Variants in CLOCK observed in about 807,000 individuals in gnomAD.
CLOCK encodes the protein circadian locomoter output cycles protein kaput.
Under a neutral mutation model 118.4 loss-of-function variants are expected in CLOCK, and 43 were observed. The observed-to-expected ratio is 0.36, with a 90% CI of 0.28 to 0.47. The LOEUF is 0.47. Ranked by LOEUF, CLOCK falls within the 20% of genes least tolerant of loss-of-function variation. The pLI is 1.00. For missense variants in CLOCK, 846 were observed against 999.9 expected (o/e 0.85, Z 2.08); for synonymous variants, 326 against 339.2 (o/e 0.96, Z 0.43).
intron 9 of CLOCK, among the ~76,000 whole-genome samples, chr4:55,462,874 A>G (rs1177784573): frequency 6.6e-6 from 1 of 150,766 alleles, no homozygotes; most frequent in African/African-American, 2.4e-5. Flanking sequence ...GTGTATCTCA[A>G]TTTTTAGACA....
intron 7 of CLOCK, among the ~76,000 whole-genome samples, chr4:55,475,487 T>C (rs1328476689): frequency 6.6e-6 from 1 of 152,234 alleles, no homozygotes; most frequent in East Asian, 1.9e-4. Flanking sequence ...AAAGAAGTTC[T>C]ACTCTGGGTA....
At chr4:55,435,656 TACTC>T (rs1301040659) in intron 22 of CLOCK, 62 bp from the exon 23 acceptor site, 12 of 1,521,372 alleles carry the variant, frequency 7.9e-6, no homozygotes, top group South Asian at 2.3e-5. Context: ...ACATAATAGT[TACTC>T]ACACTCTCCC....
intron 18 of CLOCK, among the ~76,000 whole-genome samples, chr4:55,447,955 T>C (rs1724006519): frequency 6.6e-6 from 1 of 152,142 alleles, no homozygotes; most frequent in Non-Finnish European, 1.5e-5. Context: ...AGTTGGGAAG[T>C]TAGGCTCTAA....
intron 1 of CLOCK, among the ~76,000 whole-genome samples, chr4:55,522,614 T>TA (rs1459007619): frequency 1.3e-5 from 2 of 152,082 alleles, no homozygotes; most frequent in Non-Finnish European, 2.9e-5. Flanking sequence ...TCCTACCCCT[T>TA]AAGGAACAGT....
At chr4:55,492,185 A>AAT (rs1249127000) in intron 2 of CLOCK, among the ~76,000 whole-genome samples, 27 of 152,330 alleles carry the variant, frequency 1.8e-4, no homozygotes, top group Non-Finnish European at 3.1e-4. Flanking sequence ...TAAAAGGATT[A>AAT]TACCACATGA....
At chr4:55,522,826 A>G (rs1447316233) in intron 1 of CLOCK, among the ~76,000 whole-genome samples, 2 of 152,198 alleles carry the variant, frequency 1.3e-5, no homozygotes, top group Non-Finnish European at 2.9e-5. Flanking sequence ...CTTCTGAACC[A>G]TATAAAATGA....
At chr4:55,453,434 A>G in intron 14 of CLOCK, 1 of 486,760 alleles carries the variant, frequency 2.1e-6, no homozygotes, top group Non-Finnish European at 3.6e-6. Context: ...ACATTACTAC[A>G]TAAATGACAG....
At chr4:55,524,337 T>G (rs1430611476) in intron 1 of CLOCK, among the ~76,000 whole-genome samples, 1 of 151,934 alleles carries the variant, frequency 6.6e-6, no homozygotes, top group East Asian at 1.9e-4. Flanking sequence ...AGGCTGAGAT[T>G]GCAGTGAGCG....
chr4:55,440,966 A>G (rs1392196217), intron 21 of CLOCK, among the ~76,000 whole-genome samples: 1 of 151,806 alleles, frequency 6.6e-6, no homozygotes, highest in Non-Finnish European at 1.5e-5. Context: ...AACTGCTTAC[A>G]AAAACAAAAC....
In CLOCK at chr4:55,448,865, T is replaced by C. The variant is rs892826326; in HGVS notation, c.1453A>G (p.Ile485Val). Residue 485 changes from isoleucine to valine, a missense_variant, in exon 18 of 23, where the codon ATA becomes GTA. Physicochemically the swap from Ile to Val is conservative, Grantham distance 29. This residue lies in a region of CLOCK where 520 missense variants were observed against 558.0 expected (regional missense o/e 0.93). Transcript: ENST00000513440. Reference protein sequence around the residue: ...QRRSSFSSQSINSQSVGSSLT... With the variant: ...QRRSSFSSQSVNSQSVGSSLT... The stretch of plus-strand genomic sequence containing the variant: ...GATGAACCAACAGACTGGGAATTTA[T>C]GGACTAGAGCAAAATAAAAAATAAC... The C allele has an allele frequency of 1.9e-6, 3 of 1,612,594 alleles. No homozygotes were observed. The highest frequency in any genetic ancestry group is 2.7e-5 in the African/African-American group (2 of 75,020).
chr4:55,482,589 T>A (rs1333573825), intron 4 of CLOCK, 150 bp downstream of exon 4: 1 of 553,014 alleles, frequency 1.8e-6, no homozygotes, highest in Non-Finnish European at 3.1e-6. Context: ...CTTATTTTTT[T>A]ATACTATATT....
intron 1 of CLOCK, among the ~76,000 whole-genome samples, chr4:55,519,107 A>C (rs1401467641): frequency 6.6e-6 from 1 of 152,154 alleles, no homozygotes; most frequent in Non-Finnish European, 1.5e-5. Context: ...GCTGGAGTGC[A>C]ATGGAGCAAT....
At position 55,458,951 on chromosome 4, in the gene CLOCK, A is replaced by C; in HGVS notation, c.733T>G (p.Tyr245Asp). Residue 245 changes from tyrosine to aspartate, a missense_variant, in exon 11 of 23, where the codon TAT (tyrosine) becomes GAT (aspartate). By Grantham distance (160) the Tyr-to-Asp change is radical. Around this residue, in one of 4 missense-constraint regions of CLOCK, gnomAD observed 246 missense variants for 300.2 expected, o/e 0.82. Transcript: ENST00000513440. ...GTIQRTHRPSYEDRVCFVATV... is the reference protein window; with the variant it reads ...GTIQRTHRPSDEDRVCFVATV... The stretch of plus-strand genomic sequence containing the variant: ...GCTACAAAACAAACTCTATCTTCAT[A>C]AGATGGCCTATGTGTGCGTTGTATA... 6.2e-7 allele frequency: 1 copy of C among 1,613,984 alleles called. No individual in the cohort carries two copies. Among genetic ancestry groups the C allele is most frequent in the South Asian group, 1.1e-5 (1 of 91,076 alleles).
intron 1 of CLOCK, among the ~76,000 whole-genome samples, chr4:55,511,166 C>T (rs1729122142): frequency 6.6e-6 from 1 of 152,178 alleles, no homozygotes. Flanking sequence ...CAATTCTCAA[C>T]TAATAATTAA....
chr4:55,540,490 A>AC, intron 1 of CLOCK: 1 of 152,204 alleles, frequency 6.6e-6, no homozygotes. Context: ...ATATGGTCTA[A>AC]CCTTTATTGG....
intron 6 of CLOCK, among the ~76,000 whole-genome samples, chr4:55,478,538 C>G (rs1386156989): frequency 6.6e-6 from 1 of 152,134 alleles, no homozygotes; most frequent in Non-Finnish European, 1.5e-5. Flanking sequence ...ACAAGCACTA[C>G]TCACATTTGT....
At chr4:55,533,241 A>G (rs114045645) in intron 1 of CLOCK, among the ~76,000 whole-genome samples, 1,802 of 152,322 alleles carry the variant, frequency 0.012, 15 homozygotes, top group Middle Eastern at 0.054. Context: ...ACAAAGCAAC[A>G]GTAATCAAGA....
At chr4:55,468,798 A>C (rs571046480) in intron 8 of CLOCK, among the ~76,000 whole-genome samples, 1 of 152,224 alleles carries the variant, frequency 6.6e-6, no homozygotes, top group Non-Finnish European at 1.5e-5. Flanking sequence ...GGTCAGATAA[A>C]GTGGTAAGAC....
At chr4:55,454,580 C>T (rs1391632160) in intron 13 of CLOCK, among the ~76,000 whole-genome samples, 3 of 127,836 alleles carry the variant, frequency 2.3e-5, no homozygotes, top group Non-Finnish European at 4.7e-5. Flanking sequence ...CGCCACTGCA[C>T]TCCAGCCTGG....
Sources: allele counts gnomAD v4.1 joint callset (sites outside exome capture counted in the v4.1 genomes callset), GRCh38; gene constraint gnomAD v4.1.1; regional missense constraint gnomAD v4.1.1; transcripts MANE v1.5; gene names NCBI Gene and HGNC (gene_info 2026-07-23, HGNC 2026-07-21).